Variants in UNC13B observed in about 807,000 individuals in gnomAD.
UNC13B encodes unc-13 homolog B.
Under a neutral mutation model 211.0 loss-of-function variants are expected in UNC13B, and 144 were observed. The ratio of observed to expected loss-of-function variants is 0.68; its 90% CI spans 0.60 to 0.78. The LOEUF (loss-of-function observed/expected upper bound fraction) is 0.78. Among genes scored for constraint, UNC13B ranks in the 30% least tolerant of loss-of-function variants. UNC13B has a pLI of 0.00. For synonymous variants in UNC13B, 709 were observed against 725.8 expected, an observed-to-expected ratio of 0.98 and a Z score of 0.37; for missense variants, 1,777 against 2,002.0, an observed-to-expected ratio of 0.89 and a Z score of 2.14.
intron 2 of UNC13B, 71 bp from the exon 3 acceptor site, chr9:35,231,049 C>T: frequency 9.7e-7 from 1 of 1,026,750 alleles, no homozygotes; most frequent in Non-Finnish European, 1.5e-6. Context: ...TTGCTTAATT[C>T]CAAGGGCTTT....
At chr9:35,384,838 G>A (rs1398126424) in intron 22 of UNC13B, 4 of 762,056 alleles carry the variant, frequency 5.2e-6, no homozygotes, top group Non-Finnish European at 6.4e-6. Flanking sequence ...ACAGGATAAG[G>A]AAATGGGCAG....
chr9:35,164,353 G>A (rs1820927504), intron 1 of UNC13B, among the ~76,000 whole-genome samples: 1 of 152,166 alleles, frequency 6.6e-6, no homozygotes, highest in Non-Finnish European at 1.5e-5. Context: ...TCCTTGCGTT[G>A]TATTTTGGCA....
At chr9:35,175,018 G>A (rs930745607) in intron 1 of UNC13B, among the ~76,000 whole-genome samples, 7 of 150,610 alleles carry the variant, frequency 4.6e-5, no homozygotes, top group Middle Eastern at 3.7e-3. Flanking sequence ...GGCTTGTCTC[G>A]AACTCCTGGG....
At chr9:35,219,581 C>T (rs1587399524) in intron 1 of UNC13B, among the ~76,000 whole-genome samples, 1 of 147,808 alleles carries the variant, frequency 6.8e-6, no homozygotes, top group Non-Finnish European at 1.5e-5. Context: ...TATACCACTG[C>T]ACTCCAGCCT....
intron 22 of UNC13B, 151 bp downstream of exon 22, chr9:35,384,465 T>C: frequency 7.1e-7 from 1 of 1,407,048 alleles, no homozygotes; most frequent in East Asian, 2.5e-5. Context: ...CTGACACCTG[T>C]GGTTCTTTTA....
intron 11 of UNC13B, chr9:35,352,579 A>G: frequency 8.1e-7 from 1 of 1,232,206 alleles, no homozygotes; most frequent in Non-Finnish European, 1.0e-6. Context: ...GGGGACCCAT[A>G]ACAGGAACAT....
intron 1 of UNC13B, among the ~76,000 whole-genome samples, chr9:35,204,594 G>C (rs1823534526): frequency 6.6e-6 from 1 of 152,202 alleles, no homozygotes; most frequent in African/African-American, 2.4e-5. Flanking sequence ...AGTCAAAGGA[G>C]ATTATTTTGG....
chr9:35,228,333 T>C (rs902007431), intron 2 of UNC13B, among the ~76,000 whole-genome samples: 1 of 152,054 alleles, frequency 6.6e-6, no homozygotes, highest in African/African-American at 2.4e-5. Context: ...TGACAATTAG[T>C]GGAAACAATT....
Position 35,301,314 on chromosome 9 carries a change from G to A in UNC13B, c.1910G>A (p.Ser637Asn). The stretch of plus-strand genomic sequence containing the variant: ...TTATACTTTCAGAATACAACAGAAA[G>A]TATTGCAAAGGACTTGGCTCCACAG... Reference protein sequence around the residue: ...GSLYFQNTTESIAKDLAPQSQ... With the variant: ...GSLYFQNTTENIAKDLAPQSQ... Residue 637 changes from serine to asparagine, a missense_variant, in exon 9 of 40, where the codon AGT becomes AAT. Ser to Asn is a conservative substitution (Grantham distance 46). Coordinates refer to ENST00000635942, the MANE Select transcript of UNC13B (RefSeq NM_001371189.2). The A allele has an allele frequency of 2.5e-6, 1 of 398,718 alleles. No homozygotes were observed. The highest frequency in any genetic ancestry group is 6.3e-4 in the Middle Eastern group (1 of 1,588). The allele number at this position is 398,718 out of a possible 1,614,324, so 24.7% of individuals were successfully genotyped here.
intron 12 of UNC13B, 118 bp downstream of exon 12, chr9:35,367,111 G>T: frequency 9.7e-7 from 1 of 1,030,060 alleles, no homozygotes; most frequent in Non-Finnish European, 1.5e-6. Context: ...GGAAGGAAAA[G>T]GTTCCACTAT....
At chr9:35,258,860 G>C in intron 6 of UNC13B, 133 bp from the exon 7 acceptor site, 2 of 756,214 alleles carry the variant, frequency 2.6e-6, no homozygotes, top group Admixed American at 5.4e-5. Flanking sequence ...GGAGCAGGAT[G>C]TTCTGTTTCT....
intron 6 of UNC13B, among the ~76,000 whole-genome samples, chr9:35,248,409 G>A (rs992685672): frequency 6.6e-6 from 1 of 152,112 alleles, no homozygotes; most frequent in African/African-American, 2.4e-5. Flanking sequence ...TTTTGAATGT[G>A]TTTGCTCTTG....
chr9:35,381,993 T>C (rs1301031053), intron 20 of UNC13B, among the ~76,000 whole-genome samples: 1 of 152,178 alleles, frequency 6.6e-6, no homozygotes, highest in Admixed American at 6.5e-5. Context: ...AAGGACAACC[T>C]GCCTAGACAT....
Position 35,303,923 on chromosome 9 carries a change from T to C in UNC13B, c.4519T>C (p.Tyr1507His), listed in dbSNP as rs1266804113. ...DENFVFSSFGYEYQEWLSCLE... is the reference protein window; with the variant it reads ...DENFVFSSFGHEYQEWLSCLE... ...AAACTTTGTTTTTTCAAGTTTTGGT[T>C]ATGAGTACCAGGAATGGTTGTCATG... Residue 1507 changes from tyrosine to histidine, a missense_variant, in exon 9 of 40, where the codon TAT (tyrosine) becomes CAT (histidine). Transcript: ENST00000635942. 2.5e-6 allele frequency: 1 copy of C among 398,822 alleles called. No homozygotes were observed. Among genetic ancestry groups the C allele is most frequent in the Non-Finnish European group, 4.4e-6 (1 of 225,880 alleles). 24.7% of individuals were successfully genotyped at this position (398,822 alleles called of 1,614,324 possible).
At chr9:35,381,297 T>C in intron 19 of UNC13B, 82 bp downstream of exon 19, 1 of 1,263,424 alleles carries the variant, frequency 7.9e-7, no homozygotes. Flanking sequence ...GCTAGGTGGT[T>C]GGAATCCGAG....
intron 1 of UNC13B, among the ~76,000 whole-genome samples, chr9:35,182,613 C>T (rs907066529): frequency 1.3e-5 from 2 of 151,958 alleles, no homozygotes; most frequent in African/African-American, 4.8e-5. Flanking sequence ...GGCAGAGGTC[C>T]CTGTGGCCTT....
chr9:35,299,379 T>A (rs1010148296), intron 8 of UNC13B, among the ~76,000 whole-genome samples: 4 of 152,238 alleles, frequency 2.6e-5, no homozygotes, highest in Non-Finnish European at 5.9e-5. Flanking sequence ...CTACACATCC[T>A]CAAATATAAC....
At chr9:35,331,341 A>G (rs1049845767) in intron 11 of UNC13B, among the ~76,000 whole-genome samples, 2 of 152,190 alleles carry the variant, frequency 1.3e-5, no homozygotes, top group South Asian at 4.1e-4. Flanking sequence ...CTCTGCCTCC[A>G]GATTCAAGCG....
At chr9:35,202,793 C>CTTTTTT (rs922684961) in intron 1 of UNC13B, among the ~76,000 whole-genome samples, 1 of 131,548 alleles carries the variant, frequency 7.6e-6, no homozygotes. Context: ...TGGGTCTTGA[C>CTTTTTT]TTTTTTTTTT....
Sources: allele counts gnomAD v4.1 joint callset (sites outside exome capture counted in the v4.1 genomes callset), GRCh38; gene constraint gnomAD v4.1.1; transcripts MANE v1.5; gene names NCBI Gene and HGNC (gene_info 2026-07-23, HGNC 2026-07-21).